ANKS1B: variants seen among roughly 807,000 people sequenced by gnomAD.
The protein encoded by ANKS1B is ankyrin repeat and sterile alpha motif domain containing 1B, also known as ankyrin repeat and sterile alpha motif domain-containing protein 1B.
Under a neutral mutation model 148.3 loss-of-function variants are expected in ANKS1B, and 36 were observed. That is an observed-to-expected ratio of 0.24 (90% CI 0.19 to 0.32). The LOEUF (loss-of-function observed/expected upper bound fraction) is 0.32, where lower values mean the gene tolerates loss of function less well. Among genes scored for constraint, ANKS1B ranks in the 10% least tolerant of loss-of-function variants. The pLI is 1.00. For missense variants in ANKS1B, 1,157 were observed against 1,542.6 expected (o/e 0.75, Z 4.19); for synonymous variants, 542 against 560.8 (o/e 0.97, Z 0.47).
At chr12:99,671,735 A>G (rs1319553060) in intron 8 of ANKS1B, among the ~76,000 whole-genome samples, 1 of 152,162 alleles carries the variant, frequency 6.6e-6, no homozygotes, top group Non-Finnish European at 1.5e-5. Context: ...GTCTGTTAGA[A>G]CTGACTAACT....
At chr12:98,864,054 G>C (rs1451663700) in intron 17 of ANKS1B, among the ~76,000 whole-genome samples, 1 of 151,724 alleles carries the variant, frequency 6.6e-6, no homozygotes, top group Non-Finnish European at 1.5e-5. Flanking sequence ...TTCTCTCCAA[G>C]ACTCTGTTCC....
chr12:99,741,662 G>A (rs180965092), intron 8 of ANKS1B, among the ~76,000 whole-genome samples: 47 of 152,016 alleles, frequency 3.1e-4, no homozygotes, highest in African/African-American at 9.6e-4. Context: ...ACCAAACACC[G>A]CATGTTCTCA....
intron 17 of ANKS1B, chr12:98,956,276 C>T (rs77205497): frequency 1.8e-4 from 27 of 152,468 alleles, no homozygotes; most frequent in African/African-American, 6.5e-4. Context: ...CCATCTCCCC[C>T]CTCCGTCTTC....
intron 14 of ANKS1B, chr12:99,154,942 CCTG>C (rs1301646178): frequency 6.5e-7 from 1 of 1,535,254 alleles, no homozygotes; most frequent in Non-Finnish European, 8.7e-7. Context: ...AAGCTGTAAG[CCTG>C]CTGCTGCTGC....
intron 9 of ANKS1B, among the ~76,000 whole-genome samples, chr12:99,618,997 G>T (rs1598249612): frequency 6.6e-6 from 1 of 152,130 alleles, no homozygotes; most frequent in Admixed American, 6.5e-5. Flanking sequence ...AGCTGCTACA[G>T]CTGCAGTTTC....
intron 4 of ANKS1B, among the ~76,000 whole-genome samples, chr12:99,787,862 C>G (rs1441339477): frequency 6.6e-6 from 1 of 152,210 alleles, no homozygotes; most frequent in African/African-American, 2.4e-5. Flanking sequence ...GAACTCAGTG[C>G]TGCTTTGCCA....
chr12:98,880,270 T>C (rs1596124341), intron 17 of ANKS1B, among the ~76,000 whole-genome samples: 1 of 152,160 alleles, frequency 6.6e-6, no homozygotes, highest in Non-Finnish European at 1.5e-5. Context: ...GGAAAACAAA[T>C]ATTCATTAAA....
At chr12:99,700,053 A>G (rs929520907) in intron 8 of ANKS1B, among the ~76,000 whole-genome samples, 1 of 152,180 alleles carries the variant, frequency 6.6e-6, no homozygotes, top group Admixed American at 6.5e-5. Flanking sequence ...ATTCATGCTT[A>G]ATTTTTTAAT....
At chr12:99,079,110 C>T (rs754864080) in intron 16 of ANKS1B, among the ~76,000 whole-genome samples, 1 of 152,172 alleles carries the variant, frequency 6.6e-6, no homozygotes, top group Non-Finnish European at 1.5e-5. Context: ...GAAGTAGATC[C>T]TCTTGACTTG....
chr12:99,432,043 T>C (rs765421763), intron 11 of ANKS1B, among the ~76,000 whole-genome samples: 27 of 152,182 alleles, frequency 1.8e-4, no homozygotes, highest in Admixed American at 6.5e-4. Flanking sequence ...AGGTATTTGT[T>C]ATAAAGCCAG....
intron 17 of ANKS1B, among the ~76,000 whole-genome samples, chr12:98,915,266 G>A (rs1307010965): frequency 6.6e-6 from 1 of 152,192 alleles, no homozygotes; most frequent in African/African-American, 2.4e-5. Flanking sequence ...GGGAGAAGAT[G>A]GCCATCTACA....
intron 25 of ANKS1B, among the ~76,000 whole-genome samples, chr12:98,757,829 C>G (rs1459839938): frequency 6.6e-6 from 1 of 152,206 alleles, no homozygotes; most frequent in African/African-American, 2.4e-5. Flanking sequence ...TTTGGTCTTT[C>G]TAGCATAAGT....
At chr12:99,910,308 T>C (rs938850938) in intron 1 of ANKS1B, among the ~76,000 whole-genome samples, 2 of 125,738 alleles carry the variant, frequency 1.6e-5, no homozygotes, top group Non-Finnish European at 3.1e-5. Flanking sequence ...TGAGCCGAGA[T>C]CGCACCACTG....
chr12:99,820,882 AC>A (rs2153678224), intron 2 of ANKS1B, among the ~76,000 whole-genome samples: 1 of 151,918 alleles, frequency 6.6e-6, no homozygotes, highest in African/African-American at 2.4e-5. Context: ...TCTAGACACA[AC>A]CCCACTTTAA....
chr12:98,833,212 A>G (rs1342027064), intron 17 of ANKS1B, among the ~76,000 whole-genome samples: 1 of 152,146 alleles, frequency 6.6e-6, no homozygotes, highest in African/African-American at 2.4e-5. Context: ...AGGAGTTCTC[A>G]CTTGACAGAT....
At chr12:99,949,861 G>A (rs2095169096) in intron 1 of ANKS1B, among the ~76,000 whole-genome samples, 2 of 151,784 alleles carry the variant, frequency 1.3e-5, no homozygotes, top group Admixed American at 6.6e-5. Context: ...CAAAGACTAT[G>A]TGGTCCACAA....
rs921377527 is a variant in ANKS1B, at chr12:99,561,688, T to C, written c.1273-57047A>G. On this transcript the variant is annotated intron_variant, in intron 9 of 26. Transcript: ENST00000683438. ...ATGATATTGCAGCCAATCAGTCCCATCTACAGGCTCCATTTCTAATTCACT... is the reference window on the plus strand; with the variant it reads ...ATGATATTGCAGCCAATCAGTCCCACCTACAGGCTCCATTTCTAATTCACT... Among the ~76,000 whole-genome samples, 6 of 152,302 alleles carry C rather than the reference T, an allele frequency of 3.9e-5. 1 individual carries two copies. Among genetic ancestry groups the C allele is most frequent in the East Asian group, 3.9e-4 (2 of 5,186 alleles).
At chr12:99,195,338 T>G (rs181339598) in intron 14 of ANKS1B, among the ~76,000 whole-genome samples, 38 of 152,296 alleles carry the variant, frequency 2.5e-4, no homozygotes, top group South Asian at 2.1e-4. Flanking sequence ...ATCTACCTTT[T>G]TGATGATTTT....
At chr12:99,634,300 G>C (rs565062773) in intron 9 of ANKS1B, among the ~76,000 whole-genome samples, 4 of 152,176 alleles carry the variant, frequency 2.6e-5, no homozygotes, top group Non-Finnish European at 4.4e-5. Flanking sequence ...AAGAGGAAGA[G>C]AGACCTGAGA....
Sources: allele counts gnomAD v4.1 joint callset (sites outside exome capture counted in the v4.1 genomes callset), GRCh38; gene constraint gnomAD v4.1.1; transcripts MANE v1.5; gene names NCBI Gene and HGNC (gene_info 2026-07-23, HGNC 2026-07-21).